Variants in GRK7 observed in about 807,000 individuals in gnomAD.
GRK7 encodes the protein rhodopsin kinase GRK7.
Under a neutral mutation model 34.1 loss-of-function variants are expected in GRK7, and 24 were observed. The observed-to-expected ratio is 0.70, with a 90% CI of 0.51 to 0.99. The LOEUF is 0.99. Ranked by LOEUF, GRK7 falls within the 50% of genes least tolerant of loss-of-function variation. The pLI is 0.00. For synonymous variants in GRK7, 256 were observed against 279.4 expected, an observed-to-expected ratio of 0.92 and a Z score of 0.84; for missense variants, 644 against 707.3, an observed-to-expected ratio of 0.91 and a Z score of 1.02.
chr3:141,762,985 T>TCGCGCCCGGTGCG (rs1412591621), upstream of GRK7, among the ~76,000 whole-genome samples: 1 of 152,230 alleles, frequency 6.6e-6, no homozygotes, highest in East Asian at 1.9e-4. Context: ...CTGCTTCGGC[T>TCGCGCCCGGTGCG]CGCGCCCGGT....
chr3:141,792,084 C>T (rs2084727167), intron 4 of GRK7, among the ~76,000 whole-genome samples: 1 of 147,550 alleles, frequency 6.8e-6, no homozygotes, highest in South Asian at 2.2e-4. Context: ...ATGAAGCTTA[C>T]AGTCTAGTGG....
At chr3:141,762,167 G>A (rs867269863), upstream of GRK7, among the ~76,000 whole-genome samples, 172 of 150,464 alleles carry the variant, frequency 1.1e-3, no homozygotes, top group African/African-American at 3.5e-3. Flanking sequence ...GAGGAACTGC[G>A]TTCCTTTGGA....
intron 4 of GRK7, among the ~76,000 whole-genome samples, chr3:141,783,185 C>T (rs2084679903): frequency 6.6e-6 from 1 of 152,194 alleles, no homozygotes; most frequent in South Asian, 2.1e-4. Context: ...GAAGCTCCAT[C>T]CAACAGCTTT....
At chr3:141,787,863 A>C (rs1244063847) in intron 4 of GRK7, among the ~76,000 whole-genome samples, 1 of 143,876 alleles carries the variant, frequency 7.0e-6, no homozygotes, top group Non-Finnish European at 1.5e-5. Context: ...AAAAAAAATT[A>C]CCTGGGCATG....
At chr3:141,799,632 G>C (rs1710930636) in intron 4 of GRK7, among the ~76,000 whole-genome samples, 1 of 151,708 alleles carries the variant, frequency 6.6e-6, no homozygotes, top group Non-Finnish European at 1.5e-5. Flanking sequence ...ACAAGGTGCA[G>C]CCTGTGTGTG....
intron 4 of GRK7, among the ~76,000 whole-genome samples, chr3:141,790,648 C>T (rs935499222): frequency 1.3e-5 from 2 of 151,120 alleles, no homozygotes; most frequent in Non-Finnish European, 2.9e-5. Context: ...ACTGCGACCT[C>T]TGCCTCCAGG....
At chr3:141,768,997 C>A (rs2084603524) in intron 1 of GRK7, among the ~76,000 whole-genome samples, 1 of 152,156 alleles carries the variant, frequency 6.6e-6, no homozygotes, top group Non-Finnish European at 1.5e-5. Context: ...GTCTCACTCC[C>A]TTCTCTCTCC....
At chr3:141,784,780 T>C (rs1200933812) in intron 4 of GRK7, among the ~76,000 whole-genome samples, 1 of 152,238 alleles carries the variant, frequency 6.6e-6, no homozygotes, top group African/African-American at 2.4e-5. Context: ...GGAAACTTAA[T>C]CTCCAATGTG....
intron 4 of GRK7, among the ~76,000 whole-genome samples, chr3:141,796,487 C>T (rs1026702737): frequency 1.3e-5 from 2 of 152,232 alleles, no homozygotes; most frequent in African/African-American, 4.8e-5. Context: ...CCTCACCTGA[C>T]AGGCACTGTA....
At chr3:141,760,494 T>C (rs1382707928), upstream of GRK7, among the ~76,000 whole-genome samples, 19 of 119,242 alleles carry the variant, frequency 1.6e-4, no homozygotes, top group East Asian at 4.4e-3. Context: ...TTGTTATAAT[T>C]TCTGTTCTTT....
intron 4 of GRK7, among the ~76,000 whole-genome samples, chr3:141,789,258 C>T (rs2084711417): frequency 6.6e-6 from 1 of 152,042 alleles, no homozygotes; most frequent in African/African-American, 2.4e-5. Flanking sequence ...ACTAGGAAGC[C>T]CTGGCCTGAT....
At chr3:141,792,403 CAAAA>C (rs112448886) in intron 4 of GRK7, among the ~76,000 whole-genome samples, 2 of 84,594 alleles carry the variant, frequency 2.4e-5, no homozygotes. Context: ...GATTTTGTCT[CAAAA>C]AAAAAAAAAA....
At chr3:141,766,202 C>T (rs574381921) in intron 1 of GRK7, among the ~76,000 whole-genome samples, 235 of 151,404 alleles carry the variant, frequency 1.6e-3, no homozygotes, top group African/African-American at 5.3e-3. Flanking sequence ...CTCACTCTGT[C>T]GTCCAGGCTG....
chr3:141,789,972 T>A (rs2084715975), intron 4 of GRK7, among the ~76,000 whole-genome samples: 1 of 152,190 alleles, frequency 6.6e-6, no homozygotes. Flanking sequence ...CTTATTGAGT[T>A]CATGCACATG....
rs1310965844 is a variant in GRK7 at position 141,818,674 on chromosome 3, T to A, written c.*1624T>A. On this transcript the variant is annotated 3_prime_UTR_variant, in exon 6 of 6. Coordinates refer to ENST00000682958, the MANE Select transcript of GRK7 (RefSeq NM_139209.3). ...GATACAAATATAAAGCTGAGTGATA[T>A]TTTTTAAAAGGATGTATGTGCACAT... Among the ~76,000 whole-genome samples the A allele has an allele frequency of 2.0e-5, 3 of 152,178 alleles. No individual in the cohort carries two copies. Among genetic ancestry groups the A allele is most frequent in the Non-Finnish European group, 4.4e-5 (3 of 68,020 alleles).
chr3:141,809,059 A>G (rs1011769752), intron 5 of GRK7, among the ~76,000 whole-genome samples: 2 of 151,766 alleles, frequency 1.3e-5, no homozygotes, highest in African/African-American at 2.4e-5. Flanking sequence ...AAAAATAGCC[A>G]GAAGTGGTGG....
intron 1 of GRK7, among the ~76,000 whole-genome samples, chr3:141,770,538 G>A (rs545234891): frequency 6.6e-6 from 1 of 151,120 alleles, no homozygotes; most frequent in African/African-American, 2.4e-5. Flanking sequence ...ATACTTTCCA[G>A]TAGAGGGCTT....
At chr3:141,804,706 C>T (rs1402347464) in intron 4 of GRK7, among the ~76,000 whole-genome samples, 1 of 151,698 alleles carries the variant, frequency 6.6e-6, no homozygotes, top group Non-Finnish European at 1.5e-5. Flanking sequence ...CTCATATACA[C>T]ATGCACATTC....
chr3:141,787,952 G>A (rs2084704669), intron 4 of GRK7, among the ~76,000 whole-genome samples: 1 of 152,166 alleles, frequency 6.6e-6, no homozygotes, highest in Non-Finnish European at 1.5e-5. Flanking sequence ...TGAGGCTGCA[G>A]GTAGCCGTGA....
Sources: gnomAD v4.1 joint callset for allele counts (sites outside exome capture counted in the v4.1 genomes callset) on GRCh38, gnomAD v4.1.1 for gene constraint, MANE v1.5 for transcripts, NCBI Gene and HGNC (gene_info 2026-07-23, HGNC 2026-07-21) for gene names.